GRM7: variants seen among roughly 807,000 people sequenced by gnomAD.
The protein encoded by GRM7 is glutamate metabotropic receptor 7.
Under a neutral mutation model 84.5 loss-of-function variants are expected in GRM7, and 35 were observed. That is an observed-to-expected ratio of 0.41 (90% CI 0.32 to 0.55). The LOEUF (loss-of-function observed/expected upper bound fraction) is 0.55, where lower values mean the gene tolerates loss of function less well. Among genes scored for constraint, GRM7 ranks in the 20% least tolerant of loss-of-function variants. GRM7 has a pLI of 0.19. For missense variants in GRM7, 1,003 were observed against 1,194.6 expected, an observed-to-expected ratio of 0.84 and a Z score of 2.36; for synonymous variants, 487 against 455.1, an observed-to-expected ratio of 1.07 and a Z score of -0.89.
intron 1 of GRM7, among the ~76,000 whole-genome samples, chr3:7,116,227 C>A (rs1485287742): frequency 6.6e-6 from 1 of 152,120 alleles, no homozygotes; most frequent in Non-Finnish European, 1.5e-5. Flanking sequence ...ACCACAGAAA[C>A]AATTGTCTAA....
chr3:7,011,346 A>G (rs897402443), intron 1 of GRM7, among the ~76,000 whole-genome samples: 1 of 152,218 alleles, frequency 6.6e-6, no homozygotes, highest in Admixed American at 6.5e-5. Context: ...TATTACCATT[A>G]GTGAATTGGT....
chr3:6,919,539 C>T (rs147497583), intron 1 of GRM7, among the ~76,000 whole-genome samples: 7 of 150,490 alleles, frequency 4.7e-5, no homozygotes, highest in South Asian at 2.1e-4. Context: ...TGCTTCAAAA[C>T]GTAGAAAAAC....
chr3:6,932,874 C>T (rs1312459112), intron 1 of GRM7, among the ~76,000 whole-genome samples: 2 of 150,456 alleles, frequency 1.3e-5, no homozygotes, highest in African/African-American at 4.9e-5. Context: ...CCTGCCTCAG[C>T]CTCCTGAGTA....
intron 1 of GRM7, among the ~76,000 whole-genome samples, chr3:7,100,091 G>A (rs1699059820): frequency 6.6e-6 from 1 of 150,876 alleles, no homozygotes; most frequent in Non-Finnish European, 1.5e-5. Flanking sequence ...AAGATCGTAG[G>A]CACTGACTCA....
chr3:7,393,488 T>G (rs73013679), intron 4 of GRM7, among the ~76,000 whole-genome samples: 21,505 of 152,164 alleles, frequency 0.14, 1,631 homozygotes, highest in South Asian at 0.29. Context: ...TCAAATCGGT[T>G]TCTGGCTGGA....
At chr3:7,647,211 C>T (rs990254050) in intron 8 of GRM7, among the ~76,000 whole-genome samples, 1 of 152,164 alleles carries the variant, frequency 6.6e-6, no homozygotes, top group Admixed American at 6.5e-5. Flanking sequence ...GCTTCCGAGC[C>T]AAAGAATTAG....
At position 7,345,407 on chromosome 3, in the gene GRM7, G is replaced by T. The variant is rs559656361; in HGVS notation, c.1033+38755G>T. Among the ~76,000 whole-genome samples, 8 of 151,806 alleles carry T rather than the reference G, an allele frequency of 5.3e-5. No individual in the cohort carries two copies. In the South Asian group the frequency reaches 1.7e-3, roughly 32 times the overall value. ...TTCTGCTGACTTAGCCTCCCAAATG[G>T]TAGCTGGGATTACAGGCACCCGCCA... is the stretch of plus-strand genomic sequence containing the variant. On this transcript the variant is annotated intron_variant, in intron 4 of 9. Transcript: ENST00000357716.
chr3:7,572,270 C>A (rs1413520431), intron 7 of GRM7, among the ~76,000 whole-genome samples: 1 of 152,188 alleles, frequency 6.6e-6, no homozygotes, highest in Non-Finnish European at 1.5e-5. Flanking sequence ...AACTTTGAAA[C>A]ACACTAATGC....
rs532393966 is a variant in GRM7 at position 6,862,081 on chromosome 3, T to G, written c.519+174T>G. Among the ~76,000 whole-genome samples the G allele has an allele frequency of 6.6e-6, 1 of 152,092 alleles. No individual in the cohort carries two copies. Among genetic ancestry groups the G allele is most frequent in the South Asian group, 2.1e-4 (1 of 4,814 alleles). On this transcript the variant is annotated intron_variant, in intron 1 of 9. Coordinates refer to ENST00000357716, the MANE Select transcript of GRM7 (RefSeq NM_000844.4). The surrounding 1 kb of genome is among the most constrained non-coding windows in gnomAD (Gnocchi z 5.2). ...CGAGGAGATACCTTCCCTGCTTGGT[T>G]TATTTCCCTTCCATCTCTCCCCTGT...
Position 7,513,355 on chromosome 3 carries a change from C to T in GRM7, c.1515+51633C>T, listed in dbSNP as rs144487743. ...ATTTAGAAACTTAGAAAAAGGAATA[C>T]ATATTCATTACAGCACTTTAACAGT... is the stretch of plus-strand genomic sequence containing the variant. On this transcript the variant is annotated intron_variant, in intron 7 of 9. Coordinates refer to ENST00000357716, the MANE Select transcript of GRM7 (RefSeq NM_000844.4). 4.8e-3 allele frequency among the ~76,000 whole-genome samples: 731 copies of T among 152,242 alleles called. 5 individuals are homozygous for T. Among genetic ancestry groups the T allele is most frequent in the African/African-American group, 0.017 (706 of 41,562 alleles).
At chr3:7,325,522 TG>T (rs1488933550) in intron 4 of GRM7, among the ~76,000 whole-genome samples, 10 of 152,120 alleles carry the variant, frequency 6.6e-5, no homozygotes, top group Non-Finnish European at 1.5e-4. Flanking sequence ...GACCACACTT[TG>T]AGAACCTCTG....
At chr3:7,595,338 T>C (rs1234563418) in intron 8 of GRM7, among the ~76,000 whole-genome samples, 3 of 152,132 alleles carry the variant, frequency 2.0e-5, no homozygotes, top group Non-Finnish European at 2.9e-5. Context: ...TGAGCTGAAG[T>C]AGTAATGAGA....
chr3:7,092,645 C>T (rs1416743721), intron 1 of GRM7, among the ~76,000 whole-genome samples: 1 of 151,708 alleles, frequency 6.6e-6, no homozygotes, highest in Non-Finnish European at 1.5e-5. Flanking sequence ...GATCCTGAAG[C>T]AGTAGAGGGC....
At chr3:7,582,340 C>A (rs970385795) in intron 8 of GRM7, among the ~76,000 whole-genome samples, 2 of 152,096 alleles carry the variant, frequency 1.3e-5, no homozygotes, top group African/African-American at 4.8e-5. Flanking sequence ...AGCTTTGTAG[C>A]CAGTTATTGC....
intron 1 of GRM7, among the ~76,000 whole-genome samples, chr3:7,036,283 C>T (rs961791284): frequency 2.0e-5 from 3 of 152,154 alleles, no homozygotes; most frequent in African/African-American, 7.2e-5. Context: ...GAATAAGAAA[C>T]ATCCTACAGA....
At chr3:7,268,910 TG>T (rs1210630667) in intron 2 of GRM7, among the ~76,000 whole-genome samples, 1 of 152,198 alleles carries the variant, frequency 6.6e-6, no homozygotes, top group African/African-American at 2.4e-5. Flanking sequence ...TCCAAACCAA[TG>T]GCCTCCTATA....
chr3:7,506,102 A>G (rs1700032218), intron 7 of GRM7, among the ~76,000 whole-genome samples: 1 of 152,118 alleles, frequency 6.6e-6, no homozygotes, highest in Admixed American at 6.5e-5. Context: ...TAGCTTAGCT[A>G]TTTTCTTTGA....
At chr3:7,538,734 AAC>A (rs1242681624) in intron 7 of GRM7, among the ~76,000 whole-genome samples, 1 of 152,214 alleles carries the variant, frequency 6.6e-6, no homozygotes, top group Non-Finnish European at 1.5e-5. Context: ...TGTACAACTA[AAC>A]ACAGTTTAAT....
rs117824973 is a variant in GRM7, at chr3:6,919,803, A to C, written c.519+57896A>C. 1.8e-4 allele frequency among the ~76,000 whole-genome samples: 28 copies of C among 152,232 alleles called. No individual in the cohort carries two copies. The East Asian group carries it at 5.2e-3, about 28-fold the overall frequency. ...GATATTATATTTAACCATGGTAGGA[A>C]ATTAGGATTTGACTAAAACATACTC... On this transcript the variant is annotated intron_variant, in intron 1 of 9. Transcript: ENST00000357716.
Sources: gnomAD v4.1 joint callset for allele counts (sites outside exome capture counted in the v4.1 genomes callset) on GRCh38, gnomAD v4.1.1 for gene constraint, Gnocchi (gnomAD v3.1) non-coding constraint, MANE v1.5 for transcripts, NCBI Gene and HGNC (gene_info 2026-07-23, HGNC 2026-07-21) for gene names.